Variants in UST observed in about 807,000 individuals in gnomAD.
The protein encoded by UST is uronyl 2-sulfotransferase, also known as chondroitin sulfate 2-O-sulfotransferase.
A neutral mutation model predicts 45.6 loss-of-function variants in UST; 21 were observed. That is an observed-to-expected ratio of 0.46 (90% confidence interval 0.33 to 0.66). UST has a LOEUF of 0.66. Ranked by LOEUF, UST falls within the 30% of genes least tolerant of loss-of-function variation. The pLI, the probability that UST is intolerant of heterozygous loss-of-function variation, is 0.02. For synonymous variants in UST, 215 were observed against 200.6 expected, an observed-to-expected ratio of 1.07 and a Z score of -0.61; for missense variants, 463 against 512.4, an observed-to-expected ratio of 0.90 and a Z score of 0.93.
chr6:149,013,405 A>G (rs996944172), intron 5 of UST, among the ~76,000 whole-genome samples: 8 of 152,140 alleles, frequency 5.3e-5, no homozygotes, highest in African/African-American at 1.9e-4. Flanking sequence ...GGCTGCCTGT[A>G]ATCCCAACTA....
chr6:149,022,689 C>T (rs1775997164), intron 7 of UST, among the ~76,000 whole-genome samples: 1 of 152,210 alleles, frequency 6.6e-6, no homozygotes, highest in South Asian at 2.1e-4. Flanking sequence ...GTTCCCGAAC[C>T]CCACCTGCAT....
intron 1 of UST, among the ~76,000 whole-genome samples, chr6:148,877,596 G>T (rs111529351): frequency 8.4e-6 from 1 of 119,378 alleles, no homozygotes; most frequent in Non-Finnish European, 1.7e-5. Context: ...GCGAGGGGTC[G>T]TGTATGAGTG....
At chr6:148,957,580 T>G (rs1203522399) in intron 4 of UST, among the ~76,000 whole-genome samples, 2 of 152,124 alleles carry the variant, frequency 1.3e-5, no homozygotes, top group Non-Finnish European at 2.9e-5. Flanking sequence ...ATTACAGGCA[T>G]GCACCACCAC....
At chr6:148,751,765 C>G (rs1448277211) in intron 1 of UST, among the ~76,000 whole-genome samples, 2 of 151,782 alleles carry the variant, frequency 1.3e-5, no homozygotes, top group Non-Finnish European at 2.9e-5. Context: ...GGCATTCAAA[C>G]TTTGTTTTGC....
intron 5 of UST, among the ~76,000 whole-genome samples, chr6:149,014,969 G>A (rs1775875003): frequency 6.6e-6 from 1 of 152,146 alleles, no homozygotes; most frequent in Admixed American, 6.5e-5. Flanking sequence ...ACAGGGAGGA[G>A]AGGTGGAAGG....
chr6:149,051,947 A>G (rs1776494090), intron 7 of UST, among the ~76,000 whole-genome samples: 2 of 152,218 alleles, frequency 1.3e-5, no homozygotes, highest in Admixed American at 1.3e-4. Context: ...AACATCCAAA[A>G]TATATTTTTG....
At chr6:148,852,456 G>T (rs1297847082) in intron 1 of UST, among the ~76,000 whole-genome samples, 1 of 152,172 alleles carries the variant, frequency 6.6e-6, no homozygotes, top group East Asian at 1.9e-4. Flanking sequence ...TGAGGCTCCT[G>T]TTCTCAGACT....
intron 1 of UST, among the ~76,000 whole-genome samples, chr6:148,795,449 C>T (rs946424786): frequency 1.3e-5 from 2 of 152,068 alleles, no homozygotes; most frequent in Admixed American, 6.5e-5. Flanking sequence ...AAAGTATCTC[C>T]TTGTTTGATT....
chr6:148,980,241 T>A (rs796127897), intron 5 of UST, among the ~76,000 whole-genome samples: 1 of 152,120 alleles, frequency 6.6e-6, no homozygotes, highest in Non-Finnish European at 1.5e-5. Flanking sequence ...TTAAAAAGAG[T>A]TATTTCCTTA....
At chr6:148,768,551 CTA>C (rs1459516105) in intron 1 of UST, among the ~76,000 whole-genome samples, 1 of 152,034 alleles carries the variant, frequency 6.6e-6, no homozygotes, top group Admixed American at 6.6e-5. Flanking sequence ...TACAAATTCT[CTA>C]TATTTTCTTC....
intron 1 of UST, among the ~76,000 whole-genome samples, chr6:148,870,805 G>A (rs906800737): frequency 3.3e-5 from 5 of 152,006 alleles, no homozygotes; most frequent in Admixed American, 1.3e-4. Context: ...TGGAGTTCAG[G>A]GCCTCTGTTC....
At chr6:149,015,161 T>A (rs1005148714) in intron 5 of UST, among the ~76,000 whole-genome samples, 1 of 152,146 alleles carries the variant, frequency 6.6e-6, no homozygotes, top group East Asian at 1.9e-4. Context: ...ACCATCCATC[T>A]GGTGGAAACA....
At chr6:148,803,929 G>A (rs1462091473) in intron 1 of UST, among the ~76,000 whole-genome samples, 2 of 152,134 alleles carry the variant, frequency 1.3e-5, no homozygotes, top group Non-Finnish European at 1.5e-5. Flanking sequence ...GAGTTGCCTT[G>A]TGAAACTCTT....
At chr6:148,974,980 TAGAA>T (rs1404720135) in intron 5 of UST, among the ~76,000 whole-genome samples, 1 of 152,214 alleles carries the variant, frequency 6.6e-6, no homozygotes, top group African/African-American at 2.4e-5. Flanking sequence ...ATAAGACTTG[TAGAA>T]AGAGTCAGCA....
chr6:149,062,712 G>A (rs1249245289), intron 7 of UST, among the ~76,000 whole-genome samples: 2 of 152,226 alleles, frequency 1.3e-5, no homozygotes, highest in Non-Finnish European at 2.9e-5. Flanking sequence ...GCAAAAAGGT[G>A]CAAGGCTGAG....
Position 148,900,435 on chromosome 6 carries a change from G to A in UST, c.291+13406G>A, listed in dbSNP as rs376618952. ...GGTAGGTCTTTCCTTTGCTATTCTCGTGATAGTAAGTCTCACGAGATCTGA... is the reference window on the plus strand; with the variant it reads ...GGTAGGTCTTTCCTTTGCTATTCTCATGATAGTAAGTCTCACGAGATCTGA... On this transcript the variant is annotated intron_variant, in intron 2 of 7. Transcript: ENST00000367463. Among the ~76,000 whole-genome samples the A allele has an allele frequency of 7.9e-5, 12 of 152,256 alleles. No individual in the cohort carries two copies. The South Asian group carries it at 1.9e-3, about 24-fold the overall frequency.
intron 1 of UST, among the ~76,000 whole-genome samples, chr6:148,767,236 A>T (rs1306407510): frequency 6.6e-6 from 1 of 152,260 alleles, no homozygotes. Context: ...CATTTCATAG[A>T]TATCTTTTAA....
At chr6:148,828,883 G>A (rs544772565) in intron 1 of UST, among the ~76,000 whole-genome samples, 3 of 152,154 alleles carry the variant, frequency 2.0e-5, no homozygotes, top group African/African-American at 7.2e-5. Context: ...ATAGTACATT[G>A]CGGTTAACTT....
intron 1 of UST, among the ~76,000 whole-genome samples, chr6:148,816,232 T>G (rs1777351996): frequency 1.3e-5 from 2 of 152,160 alleles, no homozygotes. Context: ...GTCCCCTGAT[T>G]GGTCTCAAGC....
Sources: gnomAD v4.1 joint callset for allele counts (sites outside exome capture counted in the v4.1 genomes callset) on GRCh38, gnomAD v4.1.1 for gene constraint, MANE v1.5 for transcripts, NCBI Gene and HGNC (gene_info 2026-07-23, HGNC 2026-07-21) for gene names.